Variants in RNF220 observed in about 807,000 individuals in gnomAD.
The protein encoded by RNF220 is ring finger protein 220, also known as E3 ubiquitin-protein ligase RNF220.
A neutral mutation model predicts 67.1 loss-of-function variants in RNF220; 7 were observed. That is an observed-to-expected ratio of 0.10 (90% CI 0.06 to 0.20). The LOEUF (loss-of-function observed/expected upper bound fraction) is 0.20. Among genes scored for constraint, RNF220 ranks in the 10% least tolerant of loss-of-function variants. The pLI, the probability that RNF220 is intolerant of heterozygous loss-of-function variation, is 1.00. For missense variants in RNF220, 565 were observed against 740.3 expected (o/e 0.76, Z 2.75); for synonymous variants, 270 against 283.2 (o/e 0.95, Z 0.47).
chr1:44,536,070 T>C (rs1265454731), intron 2 of RNF220, among the ~76,000 whole-genome samples: 2 of 152,206 alleles, frequency 1.3e-5, no homozygotes, highest in African/African-American at 4.8e-5. Flanking sequence ...GGGTCTTCTC[T>C]ACTTCCCAAT....
chr1:44,475,481 A>T, intron 2 of RNF220, among the ~76,000 whole-genome samples: 1 of 151,154 alleles, frequency 6.6e-6, no homozygotes, highest in East Asian at 1.9e-4. Flanking sequence ...GAGGCAGGAG[A>T]ATCACTTGAA....
At chr1:44,509,937 A>G (rs1444319201) in intron 2 of RNF220, among the ~76,000 whole-genome samples, 1 of 150,892 alleles carries the variant, frequency 6.6e-6, no homozygotes, top group Non-Finnish European at 1.5e-5. Context: ...AAGGAAAAGA[A>G]AGAAAAGAAA....
At chr1:44,463,069 G>A (rs1289837587) in intron 2 of RNF220, among the ~76,000 whole-genome samples, 1 of 152,152 alleles carries the variant, frequency 6.6e-6, no homozygotes, top group Middle Eastern at 3.2e-3. Flanking sequence ...GGGCGCAGTG[G>A]CTCACGCCTG....
chr1:44,494,835 A>G (rs1398994967), intron 2 of RNF220, among the ~76,000 whole-genome samples: 1 of 152,206 alleles, frequency 6.6e-6, no homozygotes, highest in Non-Finnish European at 1.5e-5. Context: ...AATAAAAACA[A>G]ATCTCTAACT....
intron 2 of RNF220, among the ~76,000 whole-genome samples, chr1:44,587,774 G>A (rs1255171230): frequency 7.9e-5 from 12 of 152,134 alleles, no homozygotes; most frequent in Admixed American, 7.9e-4. Context: ...GGCTTGGACC[G>A]GCCTTACAGG....
chr1:44,551,646 C>A (rs12408210), intron 2 of RNF220, among the ~76,000 whole-genome samples: 32,682 of 152,118 alleles, frequency 0.21, 3,845 homozygotes, highest in Middle Eastern at 0.3. Context: ...TCCACATTAT[C>A]AATTTTTAAA....
At chr1:44,439,707 T>C (rs1651362764) in intron 2 of RNF220, among the ~76,000 whole-genome samples, 1 of 152,140 alleles carries the variant, frequency 6.6e-6, no homozygotes, top group Non-Finnish European at 1.5e-5. Flanking sequence ...AATGAATCCC[T>C]AAAGCTATTC....
At chr1:44,465,438 CA>C (rs1385579365) in intron 2 of RNF220, among the ~76,000 whole-genome samples, 20 of 125,042 alleles carry the variant, frequency 1.6e-4, no homozygotes, top group Non-Finnish European at 1.0e-4. Flanking sequence ...ATCCATGTGC[CA>C]TTTTTTTTTT....
At chr1:44,541,383 G>T (rs1474993573) in intron 2 of RNF220, among the ~76,000 whole-genome samples, 2 of 152,172 alleles carry the variant, frequency 1.3e-5, no homozygotes, top group Non-Finnish European at 2.9e-5. Flanking sequence ...AGCCAAGATC[G>T]TGCCACTGCA....
chr1:44,520,118 TGTGTGTGTGTGA>T (rs1258870085), intron 2 of RNF220, among the ~76,000 whole-genome samples: 8 of 141,434 alleles, frequency 5.7e-5, no homozygotes, highest in Admixed American at 4.4e-4. Context: ...TGTGTGTGTG[TGTGTGTGTGTGA>T]GAGAGAGAGA....
At position 44,499,366 on chromosome 1, in the gene RNF220, A is replaced by G. The variant is rs562278248; in HGVS notation, c.625+86644A>G. The stretch of plus-strand genomic sequence containing the variant: ...ACCCTCACTAGTCAGATTTTTCCCT[A>G]TCCTTCCTGTGAAATGGCTTTTGTC... On this transcript the variant is annotated intron_variant, in intron 2 of 14. Coordinates refer to ENST00000361799, the MANE Select transcript of RNF220 (RefSeq NM_018150.4). Among the ~76,000 whole-genome samples the G allele has an allele frequency of 6.1e-4, 93 of 151,872 alleles. 1 individual carries two copies. Among genetic ancestry groups the G allele is most frequent in the Non-Finnish European group, 1.2e-3 (79 of 67,934 alleles).
chr1:44,477,191 T>C (rs1655374810), intron 2 of RNF220, among the ~76,000 whole-genome samples: 1 of 152,234 alleles, frequency 6.6e-6, no homozygotes, highest in Non-Finnish European at 1.5e-5. Flanking sequence ...TCAGTAAATA[T>C]TTACTAGCAG....
At chr1:44,473,292 G>A (rs1345508842) in intron 2 of RNF220, among the ~76,000 whole-genome samples, 4 of 152,076 alleles carry the variant, frequency 2.6e-5, no homozygotes, top group African/African-American at 7.2e-5. Flanking sequence ...TAAAAGCATC[G>A]TTAGGAAGTG....
intron 2 of RNF220, among the ~76,000 whole-genome samples, chr1:44,491,146 C>T (rs1572664207): frequency 6.6e-6 from 1 of 152,080 alleles, no homozygotes; most frequent in African/African-American, 2.4e-5. Flanking sequence ...GTAAATTCTA[C>T]CAAACATTTT....
rs966425953 is a variant in RNF220, at chr1:44,600,648, C to T, written c.626-13517C>T. On this transcript the variant is annotated intron_variant, in intron 2 of 14. Coordinates refer to ENST00000361799, the MANE Select transcript of RNF220 (RefSeq NM_018150.4). This position sits in a 1 kb window ranked among gnomAD's most constrained non-coding sequence, Gnocchi z 4.0. ...CCAGCCTGGCCAACACGATGAAACTCCGTCTCTATTAAAAATACAAAAATT... is the reference window on the plus strand; with the variant it reads ...CCAGCCTGGCCAACACGATGAAACTTCGTCTCTATTAAAAATACAAAAATT... Among the ~76,000 whole-genome samples the T allele has an allele frequency of 9.9e-5, 15 of 152,062 alleles. No individual in the cohort carries two copies. The highest frequency in any genetic ancestry group is 3.2e-3 in the Middle Eastern group (1 of 316).
rs1273238947 is a variant in RNF220, at chr1:44,645,987, AG to A, written c.1445+500del. ...TCCATTAGCACTTTGCCCAGGGCTG[AG>A]CAACCCCTGGCCTGGATCCCTGGGA... On this transcript the variant is annotated intron_variant, in intron 12 of 14. Coordinates refer to ENST00000361799, the MANE Select transcript of RNF220 (RefSeq NM_018150.4). This position sits in a 1 kb window ranked among gnomAD's most constrained non-coding sequence, Gnocchi z 5.0. Among the ~76,000 whole-genome samples, 2 of 152,214 alleles carry A rather than the reference AG, an allele frequency of 1.3e-5. No homozygotes were observed. Among genetic ancestry groups the A allele is most frequent in the African/African-American group, 4.8e-5 (2 of 41,454 alleles).
intron 8 of RNF220, among the ~76,000 whole-genome samples, chr1:44,641,581 G>C (rs118113536): frequency 8.5e-5 from 13 of 152,212 alleles, no homozygotes; most frequent in Non-Finnish European, 1.8e-4. Flanking sequence ...GCGGGAGGGG[G>C]GGCAAGCTGG....
intron 2 of RNF220, among the ~76,000 whole-genome samples, chr1:44,494,440 G>A (rs1657148093): frequency 1.3e-5 from 2 of 152,052 alleles, no homozygotes; most frequent in Admixed American, 1.3e-4. Flanking sequence ...AAAAGTTTGA[G>A]ACAACCTAAA....
chr1:44,614,016 G>C lies in RNF220; in HGVS notation c.626-149G>C, dbSNP rs1032784593. The C allele has an allele frequency of 3.3e-6, 3 of 896,396 alleles. No homozygotes were observed. In the African/African-American group the frequency reaches 5.1e-5, roughly 15 times the overall value. The allele number at this position is 896,396 out of a possible 1,614,324, so 55.5% of individuals were successfully genotyped here. A position where few individuals can be genotyped will look rare whatever the true frequency, so the allele number is the denominator to read the frequency against. Reference sequence around the variant, plus strand: ...CTCTGGAGCTGCAAGGAGGAGGGGTGCTCGTGGGCTCTGAAACCCTCAGGC... The same window carrying C: ...CTCTGGAGCTGCAAGGAGGAGGGGTCCTCGTGGGCTCTGAAACCCTCAGGC... On this transcript the variant is annotated intron_variant, in intron 2 of 14. Coordinates refer to ENST00000361799, the MANE Select transcript of RNF220 (RefSeq NM_018150.4).
Sources: gnomAD v4.1 joint callset for allele counts (sites outside exome capture counted in the v4.1 genomes callset) on GRCh38, gnomAD v4.1.1 for gene constraint, Gnocchi (gnomAD v3.1) non-coding constraint, MANE v1.5 for transcripts, NCBI Gene and HGNC (gene_info 2026-07-23, HGNC 2026-07-21) for gene names.